Variants in GSDME observed in about 807,000 individuals in gnomAD.
The protein encoded by GSDME is gasdermin E.
In GSDME, 44 loss-of-function variants were observed where a neutral mutation model predicts 47.5. The ratio of observed to expected loss-of-function variants is 0.93; its 90% CI spans 0.73 to 1.19. GSDME has a LOEUF of 1.19. GSDME is among the 50% of genes most tolerant of loss of function. The probability of loss-of-function intolerance (pLI) is 0.00; values close to 1 mark genes in which losing one functional copy is unlikely to be tolerated. For synonymous variants in GSDME, 258 were observed against 252.8 expected, an observed-to-expected ratio of 1.02 and a Z score of -0.20; for missense variants, 663 against 604.2, an observed-to-expected ratio of 1.10 and a Z score of -1.02.
Position 24,742,404 on chromosome 7 carries a change from G to A in GSDME, c.404+2158C>T, listed in dbSNP as rs1170643155. 6.6e-6 allele frequency among the ~76,000 whole-genome samples: 1 copy of A among 152,160 alleles called. No individual in the cohort carries two copies. ...AAGGAGATGGCTGTGCAGAGTTAAG[G>A]AGAGGCTACATATAAAGTGCCTGGC... On this transcript the variant is annotated intron_variant, in intron 3 of 9. Transcript: ENST00000645220. The surrounding 1 kb of genome is among the most constrained non-coding windows in gnomAD (Gnocchi z 4.4).
At chr7:24,729,605 G>C (rs1790077899) in intron 3 of GSDME, among the ~76,000 whole-genome samples, 1 of 152,260 alleles carries the variant, frequency 6.6e-6, no homozygotes, top group Non-Finnish European at 1.5e-5. Context: ...AAGTGAGTCT[G>C]TGTGTGTCCT....
rs559142379 is a variant in GSDME at position 24,704,713 on chromosome 7, G to C, written c.1183+1471C>G. 3 of 151,454 alleles carry C rather than the reference G, an allele frequency of 2.0e-5. No individual in the cohort carries two copies. In the East Asian group the frequency reaches 5.8e-4, roughly 30 times the overall value. The allele number at this position is 151,454 out of a possible 1,614,324, so 9.4% of individuals were successfully genotyped here. On this transcript the variant is annotated intron_variant, in intron 8 of 9. Coordinates refer to ENST00000645220, the MANE Select transcript of GSDME (RefSeq NM_001127453.2). The stretch of plus-strand genomic sequence containing the variant: ...TGCGTGGCCTGCTGCCTGCGTGCAA[G>C]CTTGCAGAGATTTTTTTTTTTTTCC...
At chr7:24,794,268 C>CTTTGTCTCTTCCTG in the GSDME span, among the ~76,000 whole-genome samples, 1 of 145,016 alleles carries the variant, frequency 6.9e-6, no homozygotes, top group Non-Finnish European at 1.5e-5. Flanking sequence ...CTTTTCTTCT[C>CTTTGTCTCTTCCTG]TCTCTCTCTT....
In GSDME at chr7:24,745,021, GTGTGTGTGTGTGT is replaced by G. The variant is rs1463384608; in HGVS notation, c.212-280_212-268del. ...TGTGTGTGTGTGTGTGTGTGTGTGT[GTGTGTGTGTGTGT>G]GGACCACGGGCACACAGTGGACCAG... is the stretch of plus-strand genomic sequence containing the variant. On this transcript the variant is annotated intron_variant, in intron 2 of 9. Coordinates refer to ENST00000645220, the MANE Select transcript of GSDME (RefSeq NM_001127453.2). This position sits in a 1 kb window ranked among gnomAD's most constrained non-coding sequence, Gnocchi z 4.4. 4.0e-5 allele frequency among the ~76,000 whole-genome samples: 6 copies of G among 149,178 alleles called. No homozygotes were observed. Among genetic ancestry groups the G allele is most frequent in the African/African-American group, 1.5e-4 (6 of 39,232 alleles).
intron 3 of GSDME, among the ~76,000 whole-genome samples, chr7:24,731,498 G>C (rs575449708): frequency 6.6e-6 from 1 of 152,234 alleles, no homozygotes; most frequent in Non-Finnish European, 1.5e-5. Context: ...CATGCTGCAC[G>C]TGGAAACGCC....
At chr7:24,707,520 A>T (rs2128048385) in intron 7 of GSDME, 1 of 439,280 alleles carries the variant, frequency 2.3e-6, no homozygotes, top group African/African-American at 2.0e-5. Flanking sequence ...CCCTTGCAGT[A>T]GTCTGAGTAG....
chr7:24,762,528 G>T (rs1791182917), upstream of GSDME, among the ~76,000 whole-genome samples: 1 of 152,094 alleles, frequency 6.6e-6, no homozygotes, highest in South Asian at 2.1e-4. Flanking sequence ...GAGAAGTAAA[G>T]CCCATGCACC....
intron 2 of GSDME, among the ~76,000 whole-genome samples, chr7:24,748,249 G>A (rs534324060): frequency 1.3e-5 from 2 of 149,534 alleles, no homozygotes; most frequent in East Asian, 3.9e-4. Context: ...AACTTCTGCT[G>A]CCTGGGTTCA....
intron 2 of GSDME, among the ~76,000 whole-genome samples, chr7:24,746,251 T>C (rs951022448): frequency 1.3e-5 from 2 of 152,116 alleles, no homozygotes; most frequent in Non-Finnish European, 2.9e-5. Flanking sequence ...TTTGTTAATA[T>C]CTCATGGAAA....
intron 6 of GSDME, 133 bp downstream of exon 6, chr7:24,710,091 G>A (rs1398437787): frequency 1.8e-5 from 18 of 1,015,312 alleles, no homozygotes; most frequent in East Asian, 7.2e-5. Flanking sequence ...GGGCCTCGGC[G>A]GCATCACCTC....
At chr7:24,780,251 A>G in the GSDME span, among the ~76,000 whole-genome samples, 7 of 152,222 alleles carry the variant, frequency 4.6e-5, no homozygotes, top group Non-Finnish European at 1.0e-4. The surrounding 1 kb of genome is among the most constrained non-coding windows in gnomAD (Gnocchi z 4.1). Flanking sequence ...GCCACCTGAT[A>G]TATTGATTAA....
In GSDME at chr7:24,714,320, G is replaced by A. The variant is rs1160091266; in HGVS notation, c.697+2934C>T. On this transcript the variant is annotated intron_variant, in intron 5 of 9. Transcript: ENST00000645220. This position sits in a 1 kb window ranked among gnomAD's most constrained non-coding sequence, Gnocchi z 5.0. ...CAAATGCAATCCCACCAGGAAGGTA[G>A]GGAGAGAGAGCAGGCATGTCTTCTC... 2.0e-5 allele frequency among the ~76,000 whole-genome samples: 3 copies of A among 152,206 alleles called. No homozygotes were observed. Among genetic ancestry groups the A allele is most frequent in the Non-Finnish European group, 2.9e-5 (2 of 68,048 alleles).
chr7:24,778,802 C>T, the GSDME span, among the ~76,000 whole-genome samples: 1 of 152,208 alleles, frequency 6.6e-6, no homozygotes, highest in South Asian at 2.1e-4. The surrounding 1 kb of genome is among the most constrained non-coding windows in gnomAD (Gnocchi z 5.6). Context: ...TACGTGGCCA[C>T]TCCTAGCAGG....
chr7:24,712,043 T>G lies in GSDME; in HGVS notation c.698-1655A>C, dbSNP rs1789376590. On this transcript the variant is annotated intron_variant, in intron 5 of 9. Transcript: ENST00000645220. The surrounding 1 kb of genome is among the most constrained non-coding windows in gnomAD (Gnocchi z 4.4). ...AAATGTGGCAGGGCCCCGTATTTGC[T>G]GAAATGTAGAAGGCATGAGTATTAG... Among the ~76,000 whole-genome samples, 1 of 152,212 alleles carries G rather than the reference T, an allele frequency of 6.6e-6. No individual in the cohort carries two copies. The highest frequency in any genetic ancestry group is 1.5e-5 in the Non-Finnish European group (1 of 68,036).
At chr7:24,785,995 A>C in the GSDME span, among the ~76,000 whole-genome samples, 1 of 152,244 alleles carries the variant, frequency 6.6e-6, no homozygotes, top group Non-Finnish European at 1.5e-5. Context: ...CAGATCTTGC[A>C]ATCTATAGGT....
intron 9 of GSDME, among the ~76,000 whole-genome samples, chr7:24,701,141 G>A (rs897770344): frequency 2.6e-5 from 4 of 152,176 alleles, no homozygotes; most frequent in South Asian, 2.1e-4. Flanking sequence ...ATTTTGTGCC[G>A]TTTTAAGTAA....
chr7:24,707,883 G>C, intron 7 of GSDME: 2 of 583,384 alleles, frequency 3.4e-6, no homozygotes, highest in South Asian at 2.3e-5. Flanking sequence ...AACTATGAGA[G>C]AATAAATTCC....
In GSDME at chr7:24,712,035, G is replaced by A. The variant is rs1433150695; in HGVS notation, c.698-1647C>T. Among the ~76,000 whole-genome samples, 4 of 152,178 alleles carry A rather than the reference G, an allele frequency of 2.6e-5. No homozygotes were observed. ...TGGAATAAAAATGTGGCAGGGCCCC[G>A]TATTTGCTGAAATGTAGAAGGCATG... On this transcript the variant is annotated intron_variant, in intron 5 of 9. Coordinates refer to ENST00000645220, the MANE Select transcript of GSDME (RefSeq NM_001127453.2). This position sits in a 1 kb window ranked among gnomAD's most constrained non-coding sequence, Gnocchi z 4.4.
At chr7:24,783,474 C>T in the GSDME span, among the ~76,000 whole-genome samples, 1 of 152,356 alleles carries the variant, frequency 6.6e-6, no homozygotes, top group African/African-American at 2.4e-5. Context: ...GACACCGAGG[C>T]TCAGAATAGC....
Sources: gnomAD v4.1 joint callset for allele counts (sites outside exome capture counted in the v4.1 genomes callset) on GRCh38, gnomAD v4.1.1 for gene constraint, Gnocchi (gnomAD v3.1) non-coding constraint, MANE v1.5 for transcripts, NCBI Gene and HGNC (gene_info 2026-07-23, HGNC 2026-07-21) for gene names.